Variants in LRMDA observed in about 807,000 individuals in gnomAD.
LRMDA encodes the protein leucine-rich melanocyte differentiation-associated protein.
Under a neutral mutation model 29.8 loss-of-function variants are expected in LRMDA, and 18 were observed. The observed-to-expected ratio is 0.60, with a 90% CI of 0.42 to 0.90. LRMDA has a LOEUF of 0.90. LRMDA is among the 40% of genes least tolerant of loss of function. The probability of loss-of-function intolerance (pLI) is 0.00; values close to 1 mark genes in which losing one functional copy is unlikely to be tolerated. For synonymous variants in LRMDA, 125 were observed against 109.4 expected (o/e 1.14, Z -0.89); for missense variants, 273 against 273.9 (o/e 1.00, Z 0.02).
intron 5 of LRMDA, among the ~76,000 whole-genome samples, chr10:76,182,313 G>A (rs1401920541): frequency 1.3e-5 from 2 of 152,118 alleles, no homozygotes; most frequent in Admixed American, 6.5e-5. Context: ...AACAGTGTGA[G>A]GAAAAACACT....
At chr10:75,953,347 G>A (rs1846610356) in intron 2 of LRMDA, among the ~76,000 whole-genome samples, 1 of 152,114 alleles carries the variant, frequency 6.6e-6, no homozygotes, top group Admixed American at 6.5e-5. Context: ...CCAAATTGCT[G>A]GAATTTACAG....
chr10:75,996,876 G>T (rs1847474916), intron 2 of LRMDA, among the ~76,000 whole-genome samples: 1 of 151,862 alleles, frequency 6.6e-6, no homozygotes, highest in African/African-American at 2.4e-5. Flanking sequence ...GAGACTACAG[G>T]CGCCCGCCAC....
intron 4 of LRMDA, among the ~76,000 whole-genome samples, chr10:76,057,007 A>G (rs1848626854): frequency 6.6e-6 from 1 of 152,140 alleles, no homozygotes; most frequent in Non-Finnish European, 1.5e-5. Flanking sequence ...AGACCACCTT[A>G]CGAATGTGGA....
At chr10:75,883,581 G>A (rs997519277) in intron 2 of LRMDA, 1 of 152,086 alleles carries the variant, frequency 6.6e-6, no homozygotes. Context: ...CATTGCAGGG[G>A]TGGGCGTTGG....
chr10:75,580,183 A>T (rs535893227), intron 2 of LRMDA, among the ~76,000 whole-genome samples: 1 of 152,374 alleles, frequency 6.6e-6, no homozygotes, highest in South Asian at 2.1e-4. Context: ...CCATTGTCTC[A>T]GCCCAAAATC....
intron 5 of LRMDA, among the ~76,000 whole-genome samples, chr10:76,197,866 G>T (rs1851357772): frequency 6.6e-6 from 1 of 151,754 alleles, no homozygotes; most frequent in African/African-American, 2.4e-5. Context: ...GCTGCGGTGA[G>T]TCGAGATCGC....
At chr10:76,544,718 A>G (rs1183211840) in intron 6 of LRMDA, among the ~76,000 whole-genome samples, 2 of 41,878 alleles carry the variant, frequency 4.8e-5, no homozygotes, top group Non-Finnish European at 1.1e-4. Flanking sequence ...ATGCACACAC[A>G]CACACACACA....
chr10:76,174,886 G>A (rs1054577538), intron 5 of LRMDA, among the ~76,000 whole-genome samples: 1 of 121,900 alleles, frequency 8.2e-6, no homozygotes, highest in Non-Finnish European at 1.6e-5. Context: ...TTGCTAGGCC[G>A]AGGCAGGGGG....
chr10:75,640,143 G>C (rs761906415), intron 2 of LRMDA, among the ~76,000 whole-genome samples: 1 of 152,216 alleles, frequency 6.6e-6, no homozygotes, highest in Non-Finnish European at 1.5e-5. Context: ...GAGCAGGCGG[G>C]AGAGAAACTT....
rs144175488 is a variant in LRMDA at position 75,602,670 on chromosome 10, G to A, written c.131+164176G>A. On this transcript the variant is annotated intron_variant, in intron 2 of 6. Coordinates refer to ENST00000611255, the MANE Select transcript of LRMDA (RefSeq NM_001305581.2). ...ATGTTGTCTTTCAGATGACTTTCAT[G>A]TGTTTTCCTTCCTCATTCATTTGAT... Among the ~76,000 whole-genome samples, 15 of 152,238 alleles carry A rather than the reference G, an allele frequency of 9.9e-5. No homozygotes were observed. In the East Asian group the frequency reaches 2.9e-3, roughly 29 times the overall value.
intron 2 of LRMDA, among the ~76,000 whole-genome samples, chr10:75,774,243 CATTTTT>C (rs1369128713): frequency 2.0e-5 from 3 of 152,120 alleles, no homozygotes; most frequent in African/African-American, 4.8e-5. Context: ...TCAAGCATTA[CATTTTT>C]ATTTTTAAGT....
chr10:76,003,487 A>G (rs1030905319), intron 2 of LRMDA, among the ~76,000 whole-genome samples: 5 of 152,210 alleles, frequency 3.3e-5, no homozygotes, highest in Non-Finnish European at 5.9e-5. Context: ...AAAAATTTAT[A>G]ATAGACATTA....
At chr10:75,527,901 G>T (rs918022741) in intron 2 of LRMDA, among the ~76,000 whole-genome samples, 4 of 151,674 alleles carry the variant, frequency 2.6e-5, no homozygotes, top group Non-Finnish European at 4.4e-5. Context: ...TCTCACTTCG[G>T]CCTCCCAAGG....
chr10:75,976,030 T>G (rs2132443903), intron 2 of LRMDA, among the ~76,000 whole-genome samples: 1 of 152,358 alleles, frequency 6.6e-6, no homozygotes, highest in African/African-American at 2.4e-5. Flanking sequence ...GAGTGGGCGT[T>G]CAAATTGTCA....
chr10:75,779,580 A>T (rs942594468), intron 2 of LRMDA, among the ~76,000 whole-genome samples: 3 of 152,200 alleles, frequency 2.0e-5, no homozygotes, highest in Non-Finnish European at 1.5e-5. Flanking sequence ...TTGGAGTGGT[A>T]GCCAAGCCAG....
intron 2 of LRMDA, among the ~76,000 whole-genome samples, chr10:75,540,058 G>A (rs1839998189): frequency 6.6e-6 from 1 of 152,186 alleles, no homozygotes; most frequent in Non-Finnish European, 1.5e-5. Context: ...TTATAATCTA[G>A]TGAGGAGCAG....
chr10:76,197,610 G>T (rs570218986), intron 5 of LRMDA, among the ~76,000 whole-genome samples: 1 of 152,156 alleles, frequency 6.6e-6, no homozygotes, highest in Admixed American at 6.5e-5. Flanking sequence ...CCACAATAAA[G>T]AATTAGCTGT....
At chr10:75,741,455 C>G (rs2132209904) in intron 2 of LRMDA, among the ~76,000 whole-genome samples, 1 of 152,050 alleles carries the variant, frequency 6.6e-6, no homozygotes, top group Non-Finnish European at 1.5e-5. Context: ...AAAAGGCTCA[C>G]ATGATTAGGT....
intron 6 of LRMDA, among the ~76,000 whole-genome samples, chr10:76,451,588 T>A (rs1482209697): frequency 1.3e-5 from 2 of 151,940 alleles, no homozygotes; most frequent in African/African-American, 4.8e-5. Context: ...TCCATTTTCC[T>A]TTGAACGGTG....
Sources: allele counts gnomAD v4.1 joint callset (sites outside exome capture counted in the v4.1 genomes callset), GRCh38; gene constraint gnomAD v4.1.1; transcripts MANE v1.5; gene names NCBI Gene and HGNC (gene_info 2026-07-23, HGNC 2026-07-21).